Variants in CENPP observed in about 807,000 individuals in gnomAD.
The protein encoded by CENPP is centromere protein P.
In CENPP, 24 loss-of-function variants were observed where a neutral mutation model predicts 35.6. That is an observed-to-expected ratio of 0.67 (90% CI 0.49 to 0.95). CENPP has a LOEUF of 0.95. Among genes scored for constraint, CENPP ranks in the 40% least tolerant of loss-of-function variants. The pLI is 0.00. For synonymous variants in CENPP, 120 were observed against 125.5 expected, an observed-to-expected ratio of 0.96 and a Z score of 0.29; for missense variants, 332 against 345.3, an observed-to-expected ratio of 0.96 and a Z score of 0.31.
Position 92,332,201 on chromosome 9 carries a change from T to A in CENPP, c.139T>A (p.Leu47Met). The A allele has an allele frequency of 6.2e-7, 1 of 1,605,946 alleles. No homozygotes were observed. Among genetic ancestry groups the A allele is most frequent in the Non-Finnish European group, 8.5e-7 (1 of 1,177,786 alleles). ...TTTTCAAGCCATACACCAATTCAAT[T>A]TGGAAGGATGGAAGTCTTCAAAAGA... is the stretch of plus-strand genomic sequence containing the variant. The part of the protein sequence containing the change: ...KSFQAIHQFN[L>M]EGWKSSKDLK... The change falls in exon 2 of 8, where the codon TTG (leucine) becomes ATG (methionine). Residue 47 changes from leucine (L) to methionine (M), a missense_variant. By Grantham distance (15) the Leu-to-Met change is conservative. Coordinates refer to ENST00000375587, the MANE Select transcript of CENPP (RefSeq NM_001012267.3).
At chr9:92,354,100 G>A (rs1841531356) in intron 4 of CENPP, among the ~76,000 whole-genome samples, 1 of 152,190 alleles carries the variant, frequency 6.6e-6, no homozygotes, top group African/African-American at 2.4e-5. Flanking sequence ...TTCATCAGAG[G>A]CAATGCTGTA....
intron 5 of CENPP, among the ~76,000 whole-genome samples, chr9:92,549,403 T>TTC (rs1171866176): frequency 6.6e-6 from 1 of 152,106 alleles, no homozygotes; most frequent in Non-Finnish European, 1.5e-5. Context: ...TTCCAGCACT[T>TTC]TGGGAGGCCG....
intron 5 of CENPP, chr9:92,404,814 T>C (rs907030273): frequency 4.2e-5 from 13 of 311,616 alleles, no homozygotes; most frequent in Middle Eastern, 4.5e-4. Flanking sequence ...TAAACATTCA[T>C]GTTTTGGTGA....
chr9:92,354,581 A>T (rs1841542805), intron 4 of CENPP, among the ~76,000 whole-genome samples: 1 of 152,098 alleles, frequency 6.6e-6, no homozygotes, highest in Admixed American at 6.5e-5. Flanking sequence ...GCTGGTCTTG[A>T]ACTCCTGGAC....
Position 92,619,912 on chromosome 9 carries a change from C to G in CENPP, c.*6763C>G. 1 of 313,892 alleles carries G rather than the reference C, an allele frequency of 3.2e-6. No homozygotes were observed. The highest frequency in any genetic ancestry group is 4.1e-5 in the South Asian group (1 of 24,460). 19.4% of individuals were successfully genotyped at this position (313,892 alleles called of 1,614,324 possible). The stretch of plus-strand genomic sequence containing the variant: ...GAAAAGCAGTAAGCCACCTGAGCCC[C>G]GCATGTTGGCCACACTCAGAGTATC... On this transcript the variant is annotated 3_prime_UTR_variant, in exon 8 of 8. Coordinates refer to ENST00000375587, the MANE Select transcript of CENPP (RefSeq NM_001012267.3).
intron 5 of CENPP, among the ~76,000 whole-genome samples, chr9:92,576,004 G>A (rs1224457419): frequency 6.6e-6 from 1 of 152,128 alleles, no homozygotes; most frequent in East Asian, 1.9e-4. Context: ...TTCACCTGAG[G>A]TACATGCCAG....
intron 5 of CENPP, among the ~76,000 whole-genome samples, chr9:92,484,362 T>C (rs769887527): frequency 6.6e-6 from 1 of 152,234 alleles, no homozygotes; most frequent in Non-Finnish European, 1.5e-5. Flanking sequence ...GGAATCATAC[T>C]GTGCATTCTC....
At chr9:92,557,097 C>T (rs756614267) in intron 5 of CENPP, among the ~76,000 whole-genome samples, 9 of 152,166 alleles carry the variant, frequency 5.9e-5, no homozygotes, top group Non-Finnish European at 1.2e-4. Flanking sequence ...TGCTGAGTTT[C>T]GCTGAATACA....
At chr9:92,420,174 C>T (rs962582747) in intron 5 of CENPP, among the ~76,000 whole-genome samples, 2 of 152,144 alleles carry the variant, frequency 1.3e-5, no homozygotes, top group Non-Finnish European at 2.9e-5. Context: ...TTGAGTATTC[C>T]GCACTCAGAC....
intron 5 of CENPP, among the ~76,000 whole-genome samples, chr9:92,571,818 C>T (rs1393177655): frequency 6.6e-6 from 1 of 151,892 alleles, no homozygotes; most frequent in Non-Finnish European, 1.5e-5. Context: ...TGAATTGATC[C>T]CTTTACCATT....
chr9:92,394,995 G>A (rs917411983), intron 5 of CENPP, among the ~76,000 whole-genome samples: 1 of 152,134 alleles, frequency 6.6e-6, no homozygotes, highest in Non-Finnish European at 1.5e-5. Context: ...TAGTCAAATT[G>A]TCACAGATTA....
At chr9:92,513,927 TG>T (rs1847518687) in intron 5 of CENPP, among the ~76,000 whole-genome samples, 1 of 152,258 alleles carries the variant, frequency 6.6e-6, no homozygotes, top group Non-Finnish European at 1.5e-5. Context: ...TCATTAAAGC[TG>T]ATTTTTAAGA....
intron 5 of CENPP, among the ~76,000 whole-genome samples, chr9:92,550,654 G>C (rs771523980): frequency 6.6e-5 from 10 of 152,178 alleles, no homozygotes; most frequent in Non-Finnish European, 1.3e-4. Context: ...GGGATGTAAG[G>C]GTTGAGGCAA....
chr9:92,437,262 C>A (rs1844268058), intron 5 of CENPP, among the ~76,000 whole-genome samples: 1 of 152,060 alleles, frequency 6.6e-6, no homozygotes, highest in Non-Finnish European at 1.5e-5. Context: ...AACTGTATAT[C>A]AATTTGCCTT....
At chr9:92,404,280 T>A (rs527335415) in intron 5 of CENPP, among the ~76,000 whole-genome samples, 2 of 152,230 alleles carry the variant, frequency 1.3e-5, no homozygotes, top group East Asian at 3.9e-4. Context: ...AGGTTGAAAA[T>A]GAAGAAGATA....
At chr9:92,606,741 T>C (rs1851092404) in intron 5 of CENPP, among the ~76,000 whole-genome samples, 1 of 151,854 alleles carries the variant, frequency 6.6e-6, no homozygotes, top group South Asian at 2.1e-4. Flanking sequence ...CCATCTCTAC[T>C]AAAAATACAA....
chr9:92,382,415 C>T (rs188670513), intron 5 of CENPP, among the ~76,000 whole-genome samples: 2 of 152,132 alleles, frequency 1.3e-5, no homozygotes, highest in East Asian at 3.9e-4. Flanking sequence ...TATATATTAT[C>T]GTTAATTATA....
chr9:92,432,858 A>G (rs1160120267), intron 5 of CENPP, among the ~76,000 whole-genome samples: 1 of 152,164 alleles, frequency 6.6e-6, no homozygotes, highest in East Asian at 1.9e-4. Flanking sequence ...TTTGTTGTTG[A>G]GGAGGTGCAT....
At chr9:92,515,215 G>A (rs754568238) in intron 5 of CENPP, 13 of 1,536,278 alleles carry the variant, frequency 8.5e-6, no homozygotes, top group African/African-American at 8.3e-5. Flanking sequence ...TAATGACCAC[G>A]CAAGGATGAG....
Sources: gnomAD v4.1 joint callset for allele counts (sites outside exome capture counted in the v4.1 genomes callset) on GRCh38, gnomAD v4.1.1 for gene constraint, MANE v1.5 for transcripts, NCBI Gene and HGNC (gene_info 2026-07-23, HGNC 2026-07-21) for gene names.